The following BMPR2 variants were observed in gnomAD, a reference collection of about 807,000 sequenced individuals.
BMPR2 encodes bone morphogenetic protein receptor type 2, also known as bone morphogenetic protein receptor type-2.
BMPR2 carries 29 observed loss-of-function variants against 100.8 expected under a neutral mutation model. The ratio of observed to expected loss-of-function variants is 0.29; its 90% CI spans 0.21 to 0.39. The LOEUF (loss-of-function observed/expected upper bound fraction) is 0.39, where lower values mean the gene tolerates loss of function less well. BMPR2 is among the 10% of genes least tolerant of loss of function. The probability of loss-of-function intolerance (pLI) is 1.00; values close to 1 mark genes in which losing one functional copy is unlikely to be tolerated. For synonymous variants in BMPR2, 382 were observed against 442.3 expected (o/e 0.86, Z 1.71); for missense variants, 1,011 against 1,274.5 (o/e 0.79, Z 3.15).
intron 1 of BMPR2, among the ~76,000 whole-genome samples, chr2:202,426,568 C>CAAAAAA (rs35528511): frequency 1.7e-5 from 1 of 58,068 alleles, no homozygotes. Flanking sequence ...GTCTCCGTCT[C>CAAAAAA]AAAAAAAAAA....
intron 3 of BMPR2, among the ~76,000 whole-genome samples, chr2:202,490,034 C>G (rs978916566): frequency 1.3e-5 from 2 of 152,162 alleles, no homozygotes; most frequent in African/African-American, 2.4e-5. Flanking sequence ...GTCTGGGACC[C>G]ACGATCAAGG....
chr2:202,407,827 T>G (rs1347557696), intron 1 of BMPR2, among the ~76,000 whole-genome samples: 1 of 152,068 alleles, frequency 6.6e-6, no homozygotes, highest in East Asian at 1.9e-4. Flanking sequence ...GGATTTCTTT[T>G]TCTTTTTCTT....
intron 8 of BMPR2, among the ~76,000 whole-genome samples, chr2:202,531,604 A>T (rs919922455): frequency 2.0e-5 from 3 of 152,114 alleles, no homozygotes; most frequent in African/African-American, 7.2e-5. Flanking sequence ...TGCACAACAT[A>T]TATGTATTTT....
At chr2:202,547,029 G>T (rs763696240) in intron 10 of BMPR2, among the ~76,000 whole-genome samples, 1 of 152,004 alleles carries the variant, frequency 6.6e-6, no homozygotes, top group Non-Finnish European at 1.5e-5. Context: ...CGGCCTCCCA[G>T]AGTGCCGGGA....
rs567155084 is a variant in BMPR2 at position 202,566,712 on chromosome 2, A to G, written c.*6766A>G. ...CTTCTAAAAGTGAACTAAATATTTT[A>G]TAACTTTAGTAATAGCTTGGATGGT... On this transcript the variant is annotated 3_prime_UTR_variant, in exon 13 of 13. Transcript: ENST00000374580. 7.2e-5 allele frequency: 11 copies of G among 152,348 alleles called. No homozygotes were observed. The highest frequency in any genetic ancestry group is 2.4e-4 in the African/African-American group (10 of 41,594). 9.4% of individuals were successfully genotyped at this position (152,348 alleles called of 1,614,324 possible).
At chr2:202,465,869 G>A (rs1274424243) in intron 2 of BMPR2, among the ~76,000 whole-genome samples, 1 of 151,996 alleles carries the variant, frequency 6.6e-6, no homozygotes, top group Non-Finnish European at 1.5e-5. Context: ...AAAAAAATTA[G>A]GAACATACTG....
chr2:202,460,117 C>T (rs971978181), intron 1 of BMPR2, among the ~76,000 whole-genome samples: 2 of 152,082 alleles, frequency 1.3e-5, no homozygotes, highest in Non-Finnish European at 2.9e-5. Flanking sequence ...TAACATATGC[C>T]AGGAAGGTTG....
chr2:202,550,670 G>A lies in BMPR2; in HGVS notation c.1414-2046G>A, dbSNP rs548647731. Among the ~76,000 whole-genome samples the A allele has an allele frequency of 3.0e-3, 454 of 152,208 alleles. 2 individuals carry two copies. Among genetic ancestry groups the A allele is most frequent in the Non-Finnish European group, 4.7e-3 (318 of 67,994 alleles). On this transcript the variant is annotated intron_variant, in intron 10 of 12. Transcript: ENST00000374580. ...AGTGGTGCCTTAGTCAGGCACAGTG[G>A]TACTTGCCTGTCGTCCCAGCTACTC...
chr2:202,439,056 A>G (rs1691675617), intron 1 of BMPR2, among the ~76,000 whole-genome samples: 1 of 150,518 alleles, frequency 6.6e-6, no homozygotes, highest in Non-Finnish European at 1.5e-5. Context: ...TTTGGGGAGT[A>G]TTGACATCTT....
At chr2:202,552,192 A>G (rs111481730) in intron 10 of BMPR2, among the ~76,000 whole-genome samples, 25,655 of 151,922 alleles carry the variant, frequency 0.17, 2,487 homozygotes, top group Middle Eastern at 0.24. Flanking sequence ...GTTTCACCAT[A>G]TTGGCCAAAC....
At chr2:202,545,784 C>T (rs1000314726) in intron 10 of BMPR2, among the ~76,000 whole-genome samples, 7 of 152,160 alleles carry the variant, frequency 4.6e-5, no homozygotes, top group African/African-American at 1.2e-4. Context: ...CAAGCACATA[C>T]GTCCAAGATT....
At chr2:202,511,717 C>A (rs937154908) in intron 3 of BMPR2, among the ~76,000 whole-genome samples, 4 of 151,970 alleles carry the variant, frequency 2.6e-5, no homozygotes, top group Non-Finnish European at 4.4e-5. Flanking sequence ...GTGTTAAAAT[C>A]TATTAATATC....
In BMPR2 at chr2:202,440,901, G is replaced by A. The variant is rs1051545808; in HGVS notation, c.77-23908G>A. Among the ~76,000 whole-genome samples the A allele has an allele frequency of 1.0e-4, 15 of 150,610 alleles. 1 individual carries two copies. Among genetic ancestry groups the A allele is most frequent in the South Asian group, 2.1e-4 (1 of 4,826 alleles). ...CCTTTCTATTCCTAATCATGAAATGGTGTTGTATATTTATTAAGACATTAA... is the reference window on the plus strand; with the variant it reads ...CCTTTCTATTCCTAATCATGAAATGATGTTGTATATTTATTAAGACATTAA... On this transcript the variant is annotated intron_variant, in intron 1 of 12. Transcript: ENST00000374580.
At chr2:202,520,065 T>TTC (rs1553508907) in intron 6 of BMPR2, 22 bp from the exon 7 acceptor site, 943 of 1,485,358 alleles carry the variant, frequency 6.3e-4, no homozygotes, top group Non-Finnish European at 7.4e-4. Flanking sequence ...TTTTTTTTTT[T>TTC]CGCATTTTTT....
intron 7 of BMPR2, chr2:202,520,647 A>G (rs966298280): frequency 4.7e-6 from 1 of 214,122 alleles, no homozygotes; most frequent in African/African-American, 2.4e-5. Flanking sequence ...AGGCTGCCCC[A>G]CAAGACCAAG....
intron 3 of BMPR2, among the ~76,000 whole-genome samples, chr2:202,494,709 T>C (rs1692984681): frequency 2.0e-5 from 3 of 152,380 alleles, no homozygotes; most frequent in African/African-American, 7.2e-5. Context: ...GCATATGTTA[T>C]GTAAAAAGGT....
chr2:202,439,212 C>G (rs1308012851), intron 1 of BMPR2, among the ~76,000 whole-genome samples: 3 of 149,606 alleles, frequency 2.0e-5, no homozygotes, highest in Admixed American at 6.6e-5. Context: ...TAATTTTGTT[C>G]TTTTGATGCT....
At chr2:202,531,453 C>T (rs1456311613) in intron 8 of BMPR2, among the ~76,000 whole-genome samples, 1 of 152,092 alleles carries the variant, frequency 6.6e-6, no homozygotes, top group Non-Finnish European at 1.5e-5. Context: ...GCATTAGGAA[C>T]AAATTTGTAG....
intron 1 of BMPR2, among the ~76,000 whole-genome samples, chr2:202,384,234 A>G (rs72925038): frequency 0.16 from 24,850 of 152,248 alleles, 2,412 homozygotes; most frequent in Middle Eastern, 0.24. Context: ...TAGAATCACA[A>G]TGCCCAACAC....
Sources: gnomAD v4.1 joint callset for allele counts (sites outside exome capture counted in the v4.1 genomes callset) on GRCh38, gnomAD v4.1.1 for gene constraint, MANE v1.5 for transcripts, NCBI Gene and HGNC (gene_info 2026-07-23, HGNC 2026-07-21) for gene names.